The following CPSF6 variants were observed in gnomAD, a reference collection of about 807,000 sequenced individuals.
CPSF6 encodes the protein cleavage and polyadenylation specific factor 6.
CPSF6 carries 10 observed loss-of-function variants against 56.7 expected under a neutral mutation model. That is an observed-to-expected ratio of 0.18 (90% confidence interval 0.11 to 0.30). CPSF6 has a LOEUF of 0.30. CPSF6 is among the 10% of genes least tolerant of loss of function. The probability of loss-of-function intolerance (pLI) is 1.00; values close to 1 mark genes in which losing one functional copy is unlikely to be tolerated. For missense variants in CPSF6, 419 were observed against 722.9 expected, an observed-to-expected ratio of 0.58 and a Z score of 4.82; for synonymous variants, 248 against 244.8, an observed-to-expected ratio of 1.01 and a Z score of -0.12.
intron 1 of CPSF6, among the ~76,000 whole-genome samples, chr12:69,241,152 G>T (rs757813410): frequency 3.9e-5 from 6 of 152,106 alleles, no homozygotes; most frequent in Admixed American, 2.6e-4. Context: ...ATACCAGTTG[G>T]CTTTAAATGT....
intron 1 of CPSF6, among the ~76,000 whole-genome samples, chr12:69,243,463 A>T (rs1871728497): frequency 6.6e-6 from 1 of 152,154 alleles, no homozygotes; most frequent in Non-Finnish European, 1.5e-5. Flanking sequence ...TCAAACCTGG[A>T]AGGTACAGCC....
In CPSF6 at chr12:69,258,991, A is replaced by C. The variant is rs1872630782; in HGVS notation, c.1096A>C (p.Thr366Pro). ...GAACCCAGCTTTCTTTCCTCCACCA[A>C]CTAACAGTGGCATGCCTACATCAGA... ...HVNPAFFPPP[T>P]NSGMPTSDSR... The change falls in exon 6 of 10, where the codon ACT becomes CCT. Residue 366 changes from threonine to proline, a missense_variant. This residue lies in a region of CPSF6 where 211 missense variants were observed against 296.0 expected (regional missense o/e 0.71). Transcript: ENST00000435070. The surrounding 1 kb of genome is among the most constrained non-coding windows in gnomAD (Gnocchi z 4.2). 6.8e-6 allele frequency: 11 copies of C among 1,612,684 alleles called. No homozygotes were observed. The highest frequency in any genetic ancestry group is 9.3e-6 in the Non-Finnish European group (11 of 1,180,008).
chr12:69,262,974 A>G (rs1004631952), intron 9 of CPSF6, among the ~76,000 whole-genome samples: 3 of 152,160 alleles, frequency 2.0e-5, no homozygotes, highest in Non-Finnish European at 4.4e-5. Flanking sequence ...ATGGAAAGTT[A>G]CTATTTTTGA....
chr12:69,260,496 A>G (rs1030127549), intron 8 of CPSF6, among the ~76,000 whole-genome samples: 4 of 151,928 alleles, frequency 2.6e-5, no homozygotes, highest in Non-Finnish European at 5.9e-5. Flanking sequence ...GTATTTCTCC[A>G]TATTTCTCCT....
At chr12:69,249,032 G>GTCAGGAGA (rs1363995849) in intron 1 of CPSF6, among the ~76,000 whole-genome samples, 1 of 151,532 alleles carries the variant, frequency 6.6e-6, no homozygotes, top group Admixed American at 6.6e-5. Context: ...GGATCACGAG[G>GTCAGGAGA]TCAGGAGATC....
chr12:69,256,930 A>C (rs1295980420), intron 4 of CPSF6, 88 bp downstream of exon 4: 2 of 1,072,542 alleles, frequency 1.9e-6, no homozygotes, highest in African/African-American at 3.2e-5. Context: ...TCATCTTAAT[A>C]CTAGCTCACT....
chr12:69,263,456 G>A (rs1872836730), intron 9 of CPSF6, among the ~76,000 whole-genome samples: 1 of 151,900 alleles, frequency 6.6e-6, no homozygotes, highest in Admixed American at 6.6e-5. Flanking sequence ...TGAAGAGCTG[G>A]GGGAGGGCAC....
At chr12:69,252,985 C>G in intron 2 of CPSF6, 66 bp from the exon 3 acceptor site, 3 of 896,556 alleles carry the variant, frequency 3.3e-6, no homozygotes, top group South Asian at 3.9e-5. Context: ...CCCTTAAAAA[C>G]TAGACTGGGA....
intron 9 of CPSF6, among the ~76,000 whole-genome samples, chr12:69,266,027 GAAAAA>G (rs10556524): frequency 4.5e-4 from 60 of 132,780 alleles, no homozygotes; most frequent in Non-Finnish European, 6.8e-4. Flanking sequence ...TGTTAATTTT[GAAAAA>G]AAAAAAAAAA....
At chr12:69,248,355 T>G (rs936275353) in intron 1 of CPSF6, among the ~76,000 whole-genome samples, 4 of 152,234 alleles carry the variant, frequency 2.6e-5, no homozygotes, top group Non-Finnish European at 5.9e-5. Flanking sequence ...ATATTGTGAT[T>G]ATAGTTTCTG....
Position 69,267,810 on chromosome 12 carries a change from T to C in CPSF6, c.*4-1702T>C, listed in dbSNP as rs546913682. ...GAAAAGATCTATCTATAAAGTATAATCAAACAAAAGAGTGCATTAGTCCTG... is the reference window on the plus strand; with the variant it reads ...GAAAAGATCTATCTATAAAGTATAACCAAACAAAAGAGTGCATTAGTCCTG... On this transcript the variant is annotated intron_variant, in intron 9 of 9. Coordinates refer to ENST00000435070, the MANE Select transcript of CPSF6 (RefSeq NM_007007.3). Among the ~76,000 whole-genome samples, 39 of 151,980 alleles carry C rather than the reference T, an allele frequency of 2.6e-4. No individual in the cohort carries two copies. In the South Asian group the frequency reaches 3.1e-3, roughly 12 times the overall value.
At chr12:69,263,483 G>A (rs1428877520) in intron 9 of CPSF6, among the ~76,000 whole-genome samples, 2 of 151,980 alleles carry the variant, frequency 1.3e-5, no homozygotes, top group African/African-American at 4.8e-5. Flanking sequence ...GCTTATGCAT[G>A]TGACACAAAG....
chr12:69,264,394 G>A (rs994103845), intron 9 of CPSF6, among the ~76,000 whole-genome samples: 2 of 152,068 alleles, frequency 1.3e-5, no homozygotes, highest in Non-Finnish European at 2.9e-5. Flanking sequence ...ACTGGTTTTA[G>A]TAAAACTAGC....
intron 3 of CPSF6, among the ~76,000 whole-genome samples, chr12:69,255,360 T>C (rs1872457563): frequency 6.6e-6 from 1 of 152,234 alleles, no homozygotes; most frequent in Non-Finnish European, 1.5e-5. Context: ...ACCCATTTTG[T>C]GTGAACATGT....
chr12:69,259,669 C>A, intron 7 of CPSF6, 126 bp downstream of exon 7: 1 of 836,840 alleles, frequency 1.2e-6, no homozygotes, highest in Non-Finnish European at 1.8e-6. Flanking sequence ...AAATCATTAC[C>A]TACGATTTAT....
At chr12:69,241,195 A>C (rs991137905) in intron 1 of CPSF6, among the ~76,000 whole-genome samples, 3 of 152,260 alleles carry the variant, frequency 2.0e-5, no homozygotes, top group African/African-American at 7.2e-5. Flanking sequence ...ATTTGTTTAA[A>C]TGTAATACAT....
chr12:69,258,530 A>T lies in CPSF6; in HGVS notation c.695-60A>T. On this transcript the variant is annotated intron_variant, in intron 5 of 9. Transcript: ENST00000435070. This position sits in a 1 kb window ranked among gnomAD's most constrained non-coding sequence, Gnocchi z 4.2. ...TTTAAAGTATAATCTTGGCATATAA[A>T]AGTTAAAATATCTTATTAGTGAAGT... The T allele has an allele frequency of 6.7e-7, 1 of 1,499,886 alleles. No individual in the cohort carries two copies. Among genetic ancestry groups the T allele is most frequent in the Admixed American group, 2.3e-5 (1 of 44,182 alleles). 92.9% of individuals were successfully genotyped at this position (1,499,886 alleles called of 1,614,324 possible). A position where few individuals can be genotyped will look rare whatever the true frequency, so the allele number is the denominator to read the frequency against.
chr12:69,254,796 T>G (rs1483471569), intron 3 of CPSF6, among the ~76,000 whole-genome samples: 1 of 152,192 alleles, frequency 6.6e-6, no homozygotes, highest in Non-Finnish European at 1.5e-5. Flanking sequence ...CTTAAGCTTC[T>G]TAAGCTACTA....
In CPSF6 at chr12:69,260,189, T is replaced by C. The variant is rs1449763611; in HGVS notation, c.1461T>C (p.Ser487=). Reference sequence around the variant, plus strand: ...GAATTGAGTCCAAGTCTTATGGTTCTGGATCAAGGTAAAACTTTCCTGTCT... The same window carrying C: ...GAATTGAGTCCAAGTCTTATGGTTCCGGATCAAGGTAAAACTTTCCTGTCT... ...LHGIESKSYG[S]GSRRERSRER... The change falls in exon 8 of 10, where the codon TCT becomes TCC. Residue 487 remains serine (S), a synonymous_variant. Coordinates refer to ENST00000435070, the MANE Select transcript of CPSF6 (RefSeq NM_007007.3). 2 of 1,592,640 alleles carry C rather than the reference T, an allele frequency of 1.3e-6. No individual in the cohort carries two copies. Among genetic ancestry groups the C allele is most frequent in the Non-Finnish European group, 1.7e-6 (2 of 1,171,946 alleles).
Sources: allele counts gnomAD v4.1 joint callset (sites outside exome capture counted in the v4.1 genomes callset), GRCh38; gene constraint gnomAD v4.1.1; regional missense constraint gnomAD v4.1.1; non-coding constraint Gnocchi (gnomAD v3.1); transcripts MANE v1.5; gene names NCBI Gene and HGNC (gene_info 2026-07-23, HGNC 2026-07-21).